The following ZNF135 variants were observed in gnomAD, a reference collection of about 807,000 sequenced individuals.
The protein encoded by ZNF135 is zinc finger protein 135 (clone pHZ-17).
In ZNF135, 11 loss-of-function variants were observed where a neutral mutation model predicts 12.3. The observed-to-expected ratio is 0.89, with a 90% CI of 0.56 to 1.48. The LOEUF (loss-of-function observed/expected upper bound fraction) is 1.48. ZNF135 is among the 40% of genes most tolerant of loss of function. The probability of loss-of-function intolerance (pLI) is 0.00; values close to 1 mark genes in which losing one functional copy is unlikely to be tolerated. For missense variants in ZNF135, 722 were observed against 815.7 expected, an observed-to-expected ratio of 0.89 and a Z score of 1.40; for synonymous variants, 316 against 312.0, an observed-to-expected ratio of 1.01 and a Z score of -0.14.
chr19:58,059,754 C>A lies in ZNF135; in HGVS notation c.-34-215C>A. ...TGCGCAGCAGATATGTGTCCGCACC[C>A]GCCAGGCCTTCAGCTTCCCTCAGAC... On this transcript the variant is annotated intron_variant, in intron 1 of 4. Coordinates refer to ENST00000313434, the MANE Select transcript of ZNF135 (RefSeq NM_001289401.2). This position sits in a 1 kb window ranked among gnomAD's most constrained non-coding sequence, Gnocchi z 6.5. 1.6e-6 allele frequency: 1 copy of A among 610,944 alleles called. No individual in the cohort carries two copies. Among genetic ancestry groups the A allele is most frequent in the East Asian group, 2.9e-5 (1 of 35,016 alleles). 37.8% of individuals were successfully genotyped at this position (610,944 alleles called of 1,614,324 possible).
At position 58,065,955 on chromosome 19, in the gene ZNF135, T is replaced by A. The variant is rs1599928634; in HGVS notation, c.257-786T>A. ...TCATGGCTGTGCAGAGAGGGCTGGG[T>A]ACCAGGGCAAAAAGAGAGTCCTGCC... On this transcript the variant is annotated intron_variant, in intron 4 of 4. Transcript: ENST00000313434. The surrounding 1 kb of genome is among the most constrained non-coding windows in gnomAD (Gnocchi z 4.0). 6.6e-6 allele frequency among the ~76,000 whole-genome samples: 1 copy of A among 151,948 alleles called. No individual in the cohort carries two copies. The highest frequency in any genetic ancestry group is 1.5e-5 in the Non-Finnish European group (1 of 67,962).
At position 58,067,159 on chromosome 19, in the gene ZNF135, C is replaced by T. The variant is rs747694614; in HGVS notation, c.675C>T (p.His225=). 5 of 1,614,212 alleles carry T rather than the reference C, an allele frequency of 3.1e-6. No individual in the cohort carries two copies. Among genetic ancestry groups the T allele is most frequent in the Non-Finnish European group, 4.2e-6 (5 of 1,180,036 alleles). The change falls in exon 5 of 5, where the codon CAC becomes CAT. Residue 225 remains histidine (H), a synonymous_variant. Transcript: ENST00000313434. ...KCQECGKAFS[H]SSALIEHHRT... ...AGGAATGCGGAAAGGCCTTTAGTCA[C>T]AGCTCAGCACTTATCGAACACCACC...
Position 58,059,387 on chromosome 19 carries a change from C to T in ZNF135, c.-35+77C>T. The stretch of plus-strand genomic sequence containing the variant: ...GGCCGGGTGCGGGGGGTCCGGGGAT[C>T]TTCCTGAGGCCCTGGCGGGGCGAGT... On this transcript the variant is annotated intron_variant, in intron 1 of 4. Coordinates refer to ENST00000313434, the MANE Select transcript of ZNF135 (RefSeq NM_001289401.2). The surrounding 1 kb of genome is among the most constrained non-coding windows in gnomAD (Gnocchi z 6.5). 1 of 835,874 alleles carries T rather than the reference C, an allele frequency of 1.2e-6. No homozygotes were observed. Among genetic ancestry groups the T allele is most frequent in the Non-Finnish European group, 1.7e-6 (1 of 581,148 alleles). 51.8% of individuals were successfully genotyped at this position (835,874 alleles called of 1,614,324 possible). A position where few individuals can be genotyped will look rare whatever the true frequency, so the allele number is the denominator to read the frequency against.
In ZNF135 at chr19:58,060,845, G is replaced by A. The variant is rs574118620; in HGVS notation, c.34-735G>A. On this transcript the variant is annotated intron_variant, in intron 2 of 4. Transcript: ENST00000313434. This position sits in a 1 kb window ranked among gnomAD's most constrained non-coding sequence, Gnocchi z 4.9. Reference sequence around the variant, plus strand: ...AAAATTAAAAAACAAACCCAGATTTGGCCGGGCGCGGTGGCTCGCACCTGT... The same window carrying A: ...AAAATTAAAAAACAAACCCAGATTTAGCCGGGCGCGGTGGCTCGCACCTGT... Among the ~76,000 whole-genome samples, 1 of 152,186 alleles carries A rather than the reference G, an allele frequency of 6.6e-6. No individual in the cohort carries two copies. Among genetic ancestry groups the A allele is most frequent in the Admixed American group, 6.5e-5 (1 of 15,280 alleles).
rs1429585573 is a variant in ZNF135, at chr19:58,065,538, A to C, written c.257-1203A>C. On this transcript the variant is annotated intron_variant, in intron 4 of 4. Coordinates refer to ENST00000313434, the MANE Select transcript of ZNF135 (RefSeq NM_001289401.2). The surrounding 1 kb of genome is among the most constrained non-coding windows in gnomAD (Gnocchi z 4.0). The stretch of plus-strand genomic sequence containing the variant: ...CATTTTTCAGCTTCTAGAGGCACCC[A>C]CATTCCTTGGCTATGGCCTTGTCCA... Among the ~76,000 whole-genome samples, 1 of 152,176 alleles carries C rather than the reference A, an allele frequency of 6.6e-6. No individual in the cohort carries two copies. Among genetic ancestry groups the C allele is most frequent in the Non-Finnish European group, 1.5e-5 (1 of 68,026 alleles).
In ZNF135 at chr19:58,063,536, A is replaced by G; in HGVS notation, c.251A>G (p.Tyr84Cys). Residue 84 changes from tyrosine to cysteine, a missense_variant, in exon 4 of 5, where the codon TAC (tyrosine) becomes TGC (cysteine). Transcript: ENST00000313434. This position sits in a 1 kb window ranked among gnomAD's most constrained non-coding sequence, Gnocchi z 4.4. ...AVESRLPQGV[Y>C]PDLETRPKVK... ...GAGTCTAGACTTCCCCAAGGCGTGTACCCAGGTGAGATGGGAGCCCTTCGG... is the reference window on the plus strand; with the variant it reads ...GAGTCTAGACTTCCCCAAGGCGTGTGCCCAGGTGAGATGGGAGCCCTTCGG... 4 of 1,614,106 alleles carry G rather than the reference A, an allele frequency of 2.5e-6. No homozygotes were observed. Among genetic ancestry groups the G allele is most frequent in the Non-Finnish European group, 3.4e-6 (4 of 1,179,980 alleles).
In ZNF135 at chr19:58,066,779, A is replaced by C; in HGVS notation, c.295A>C (p.Lys99Gln). 6.2e-7 allele frequency: 1 copy of C among 1,614,180 alleles called. No individual in the cohort carries two copies. The highest frequency in any genetic ancestry group is 1.1e-5 in the South Asian group (1 of 91,082). The change falls in exon 5 of 5, where the codon AAG becomes CAG. Residue 99 changes from lysine (K) to glutamine (Q), a missense_variant. Coordinates refer to ENST00000313434, the MANE Select transcript of ZNF135 (RefSeq NM_001289401.2). ...ACCCAAAGTCAAACTGTCAGTTCTAAAGCAAGGCATCTCTGAAGAAATATC... is the reference window on the plus strand; with the variant it reads ...ACCCAAAGTCAAACTGTCAGTTCTACAGCAAGGCATCTCTGAAGAAATATC... Reference protein sequence around the residue: ...TRPKVKLSVLKQGISEEISNS... With the variant: ...TRPKVKLSVLQQGISEEISNS...
rs2229375 is a variant in ZNF135, at chr19:58,067,210, C to T, written c.726C>T (p.Tyr242=). 635,592 of 1,613,856 alleles carry T rather than the reference C, an allele frequency of 0.39. 127,026 individuals are homozygous for T. Among genetic ancestry groups the T allele is most frequent in the Admixed American group, 0.49 (29,528 of 59,996 alleles). The change falls in exon 5 of 5, where the codon TAC becomes TAT. Residue 242 remains tyrosine, a synonymous_variant. Coordinates refer to ENST00000313434, the MANE Select transcript of ZNF135 (RefSeq NM_001289401.2). ...HHRTHTGERP[Y]ECHECLKGFR... ...GGACGCACACAGGAGAGAGACCTTA[C>T]GAATGTCACGAATGCTTAAAAGGCT...
Position 58,064,741 on chromosome 19 carries a change from A to C in ZNF135, c.256+1200A>C, listed in dbSNP as rs571052888. On this transcript the variant is annotated intron_variant, in intron 4 of 4. Coordinates refer to ENST00000313434, the MANE Select transcript of ZNF135 (RefSeq NM_001289401.2). The stretch of plus-strand genomic sequence containing the variant: ...CAAAAAAAAAATACAAAAAAAAAAA[A>C]TTAGCTGGCCATGGTGGCACGCTCC... 3.4e-5 allele frequency among the ~76,000 whole-genome samples: 5 copies of C among 147,412 alleles called. No homozygotes were observed. In the East Asian group the frequency reaches 9.9e-4, roughly 29 times the overall value.
chr19:58,060,032 C>T lies in ZNF135; in HGVS notation c.30C>T (p.Asp10=). MTPGVRVST[D]PEQVTFEDVV... ...CCCCTGGGGTGCGCGTCTCCACAGA[C>T]CCGGTGAGAATCTCGGCCTCCTTGC... Residue 10 remains aspartate (D), a synonymous_variant, in exon 2 of 5, where the codon GAC becomes GAT. Transcript: ENST00000313434. The surrounding 1 kb of genome is among the most constrained non-coding windows in gnomAD (Gnocchi z 4.9). 1.9e-6 allele frequency: 3 copies of T among 1,613,514 alleles called. No individual in the cohort carries two copies. The highest frequency in any genetic ancestry group is 2.5e-6 in the Non-Finnish European group (3 of 1,179,862).
At position 58,068,801 on chromosome 19, in the gene ZNF135, GATTCACCGT is replaced by G. The variant is rs1486581050; in HGVS notation, c.*345_*353del. The G allele has an allele frequency of 1.9e-4, 43 of 220,670 alleles. No homozygotes were observed. The highest frequency in any genetic ancestry group is 1.7e-3 in the Middle Eastern group (1 of 588). 13.7% of individuals were successfully genotyped at this position (220,670 alleles called of 1,614,324 possible). On this transcript the variant is annotated 3_prime_UTR_variant, in exon 5 of 5. Coordinates refer to ENST00000313434, the MANE Select transcript of ZNF135 (RefSeq NM_001289401.2). Reference sequence around the variant, plus strand: ...GATCCAGGGAACGCTTTTGTCCAAGGATTCACCGTATTCCAAACCAGAGATGTTCAAATT... The same window carrying G: ...GATCCAGGGAACGCTTTTGTCCAAGGATTCCAAACCAGAGATGTTCAAATT...
rs2073962402 is a variant in ZNF135, at chr19:58,060,708, C to G, written c.33+673C>G. Among the ~76,000 whole-genome samples, 1 of 152,188 alleles carries G rather than the reference C, an allele frequency of 6.6e-6. No individual in the cohort carries two copies. Among genetic ancestry groups the G allele is most frequent in the South Asian group, 2.1e-4 (1 of 4,830 alleles). Reference sequence around the variant, plus strand: ...AGGGGACTGGTGCGATGGCTTGTAGCTGTAATCCCAGCTATGGGGGAGGAT... The same window carrying G: ...AGGGGACTGGTGCGATGGCTTGTAGGTGTAATCCCAGCTATGGGGGAGGAT... On this transcript the variant is annotated intron_variant, in intron 2 of 4. Coordinates refer to ENST00000313434, the MANE Select transcript of ZNF135 (RefSeq NM_001289401.2). This position sits in a 1 kb window ranked among gnomAD's most constrained non-coding sequence, Gnocchi z 4.9.
In ZNF135 at chr19:58,059,601, C is replaced by T. The variant is rs985828277; in HGVS notation, c.-35+291C>T. ...AACGCGCGCCCCGCCCCTGGCCCCA[C>T]CTCTGCCCCACACCGGGCACTGGGC... is the stretch of plus-strand genomic sequence containing the variant. On this transcript the variant is annotated intron_variant, in intron 1 of 4. Coordinates refer to ENST00000313434, the MANE Select transcript of ZNF135 (RefSeq NM_001289401.2). The surrounding 1 kb of genome is among the most constrained non-coding windows in gnomAD (Gnocchi z 6.5). 3 of 524,120 alleles carry T rather than the reference C, an allele frequency of 5.7e-6. No homozygotes were observed. Among genetic ancestry groups the T allele is most frequent in the Non-Finnish European group, 1.0e-5 (3 of 300,182 alleles). The allele number at this position is 524,120 out of a possible 1,614,324, so 32.5% of individuals were successfully genotyped here.
Position 58,067,712 on chromosome 19 carries a change from T to A in ZNF135, c.1228T>A (p.Tyr410Asn). The A allele has an allele frequency of 6.2e-7, 1 of 1,613,962 alleles. No individual in the cohort carries two copies. Among genetic ancestry groups the A allele is most frequent in the Non-Finnish European group, 8.5e-7 (1 of 1,180,006 alleles). Reference sequence around the variant, plus strand: ...GAGGACCCACACAGGAGAAAAGCCCTATGAGTGTGGTGAGTGTGGGAAAGC... The same window carrying A: ...GAGGACCCACACAGGAGAAAAGCCCAATGAGTGTGGTGAGTGTGGGAAAGC... ...HQRTHTGEKP[Y>N]ECGECGKAFS... is the part of the protein sequence containing the mutation. Residue 410 changes from tyrosine (Y) to asparagine (N), a missense_variant, in exon 5 of 5, where the codon TAT becomes AAT. Transcript: ENST00000313434.
rs753711957 is a variant in ZNF135, at chr19:58,060,098, C to T, written c.33+63C>T. The T allele has an allele frequency of 3.6e-5, 57 of 1,605,280 alleles. No homozygotes were observed. Among genetic ancestry groups the T allele is most frequent in the Admixed American group, 2.5e-4 (15 of 59,712 alleles). ...CGTGCCCGGCCTCCTCGCGCGCGGC[C>T]TTCTCACGCCCGGCCTCCTCTTTGC... is the stretch of plus-strand genomic sequence containing the variant. On this transcript the variant is annotated intron_variant, in intron 2 of 4. Transcript: ENST00000313434. This position sits in a 1 kb window ranked among gnomAD's most constrained non-coding sequence, Gnocchi z 4.9.
chr19:58,062,139 G>A (rs2073992208), intron 3 of ZNF135, among the ~76,000 whole-genome samples: 1 of 152,290 alleles, frequency 6.6e-6, no homozygotes, highest in Middle Eastern at 3.4e-3. Context: ...TAAGATCAAG[G>A]TGTCAGCAAA....
In ZNF135 at chr19:58,068,595, A is replaced by G; in HGVS notation, c.*134A>G. 1 of 977,272 alleles carries G rather than the reference A, an allele frequency of 1.0e-6. No individual in the cohort carries two copies. The highest frequency in any genetic ancestry group is 2.6e-5 in the East Asian group (1 of 37,986). The allele number at this position is 977,272 out of a possible 1,614,324, so 60.5% of individuals were successfully genotyped here. On this transcript the variant is annotated 3_prime_UTR_variant, in exon 5 of 5. Transcript: ENST00000313434. ...TTTTCACACAGCACTCCCCTCAGAC[A>G]CCCTCAGAGAGTTCACACTGATGGG...
In ZNF135 at chr19:58,063,663, A is replaced by G. The variant is rs2074020428; in HGVS notation, c.256+122A>G. Reference sequence around the variant, plus strand: ...TACTACTCAGTCTTAGTGAAGATTTACCAAGCACCCATTTTGCTGTGAGTG... The same window carrying G: ...TACTACTCAGTCTTAGTGAAGATTTGCCAAGCACCCATTTTGCTGTGAGTG... On this transcript the variant is annotated intron_variant, in intron 4 of 4. Coordinates refer to ENST00000313434, the MANE Select transcript of ZNF135 (RefSeq NM_001289401.2). The surrounding 1 kb of genome is among the most constrained non-coding windows in gnomAD (Gnocchi z 4.4). 1 of 1,471,718 alleles carries G rather than the reference A, an allele frequency of 6.8e-7. No individual in the cohort carries two copies. Among genetic ancestry groups the G allele is most frequent in the Non-Finnish European group, 9.0e-7 (1 of 1,108,186 alleles). The allele number at this position is 1,471,718 out of a possible 1,614,324, so 91.2% of individuals were successfully genotyped here.
At position 58,060,355 on chromosome 19, in the gene ZNF135, A is replaced by C; in HGVS notation, c.33+320A>C. 7.8e-7 allele frequency: 1 copy of C among 1,281,888 alleles called. No homozygotes were observed. The highest frequency in any genetic ancestry group is 3.9e-5 in the East Asian group (1 of 25,562). The allele number at this position is 1,281,888 out of a possible 1,614,324, so 79.4% of individuals were successfully genotyped here. On this transcript the variant is annotated intron_variant, in intron 2 of 4. Coordinates refer to ENST00000313434, the MANE Select transcript of ZNF135 (RefSeq NM_001289401.2). This position sits in a 1 kb window ranked among gnomAD's most constrained non-coding sequence, Gnocchi z 4.9. ...TCCTAAAGTCCGCGCCAAGCTCCCC[A>C]ACCACAGCCTGCCTCTGAAAGGACC... is the stretch of plus-strand genomic sequence containing the variant.
Sources: gnomAD v4.1 joint callset for allele counts (sites outside exome capture counted in the v4.1 genomes callset) on GRCh38, gnomAD v4.1.1 for gene constraint, Gnocchi (gnomAD v3.1) non-coding constraint, MANE v1.5 for transcripts, NCBI Gene and HGNC (gene_info 2026-07-23, HGNC 2026-07-21) for gene names.